USP3: variants seen among roughly 807,000 people sequenced by gnomAD.
The protein encoded by USP3 is ubiquitin specific peptidase 3.
USP3 carries 20 observed loss-of-function variants against 72.3 expected under a neutral mutation model. The ratio of observed to expected loss-of-function variants is 0.28; its 90% CI spans 0.19 to 0.40. The LOEUF (loss-of-function observed/expected upper bound fraction) is 0.40, where lower values mean the gene tolerates loss of function less well. USP3 is among the 10% of genes least tolerant of loss of function. The probability of loss-of-function intolerance (pLI) is 1.00; values close to 1 mark genes in which losing one functional copy is unlikely to be tolerated. For missense variants in USP3, 479 were observed against 633.9 expected, an observed-to-expected ratio of 0.76 and a Z score of 2.62; for synonymous variants, 222 against 225.3, an observed-to-expected ratio of 0.99 and a Z score of 0.13.
chr15:63,549,761 A>C (rs1454165218), intron 3 of USP3, among the ~76,000 whole-genome samples: 1 of 152,244 alleles, frequency 6.6e-6, no homozygotes, highest in African/African-American at 2.4e-5. Context: ...GTAACAATGT[A>C]AATCACACTG....
rs1470345539 is a variant in USP3, at chr15:63,570,900, A to G, written c.908+321A>G. Among the ~76,000 whole-genome samples the G allele has an allele frequency of 2.0e-5, 3 of 152,230 alleles. No individual in the cohort carries two copies. Among genetic ancestry groups the G allele is most frequent in the Non-Finnish European group, 2.9e-5 (2 of 68,032 alleles). ...AAATATACTGAATGATAGGCAGGAGACTTAATTTTCATATACCAAAATAAT... is the reference window on the plus strand; with the variant it reads ...AAATATACTGAATGATAGGCAGGAGGCTTAATTTTCATATACCAAAATAAT... On this transcript the variant is annotated intron_variant, in intron 9 of 14. Coordinates refer to ENST00000380324, the MANE Select transcript of USP3 (RefSeq NM_006537.4). This position sits in a 1 kb window ranked among gnomAD's most constrained non-coding sequence, Gnocchi z 4.4.
intron 1 of USP3, among the ~76,000 whole-genome samples, chr15:63,522,555 G>A (rs1430258110): frequency 6.6e-6 from 1 of 152,188 alleles, no homozygotes; most frequent in Non-Finnish European, 1.5e-5. Flanking sequence ...AGGTAATAGA[G>A]TGAAGAGGAA....
intron 1 of USP3, among the ~76,000 whole-genome samples, chr15:63,526,239 G>A (rs1461844931): frequency 3.3e-5 from 5 of 152,136 alleles, no homozygotes; most frequent in South Asian, 4.1e-4. Context: ...CACATAGCAT[G>A]TTATCTTTTT....
Position 63,504,776 on chromosome 15 carries a change from G to C in USP3, c.37G>C (p.Ala13Pro). The C allele has an allele frequency of 6.2e-7, 1 of 1,611,620 alleles. No individual in the cohort carries two copies. The highest frequency in any genetic ancestry group is 8.5e-7 in the Non-Finnish European group (1 of 1,179,054). The change falls in exon 1 of 15, where the codon GCT becomes CCT. Residue 13 changes from alanine (A) to proline (P), a missense_variant. Physicochemically the swap from Ala to Pro is conservative, Grantham distance 27. Transcript: ENST00000380324. ...ACACCTGAGCTCCAGCGTCTGCATT[G>C]CTCCGGACTCAGCCAAGTTCCCCAA... ...CPHLSSSVCI[A>P]PDSAKFPNGS... is the part of the protein sequence containing the mutation.
chr15:63,508,857 G>C lies in USP3; in HGVS notation c.91+4027G>C, dbSNP rs543490981. 1.1e-3 allele frequency among the ~76,000 whole-genome samples: 173 copies of C among 152,282 alleles called. 1 individual carries two copies. Among genetic ancestry groups the C allele is most frequent in the African/African-American group, 4.1e-3 (170 of 41,564 alleles). The stretch of plus-strand genomic sequence containing the variant: ...TCCCTGATTAATTCTTCAATGAGTT[G>C]AGAGTGCCTCTTTAAGTTTTCAGTA... On this transcript the variant is annotated intron_variant, in intron 1 of 14. Transcript: ENST00000380324.
chr15:63,584,092 G>GT (rs61574200), intron 11 of USP3, among the ~76,000 whole-genome samples: 1,577 of 85,478 alleles, frequency 0.018, 22 homozygotes, highest in South Asian at 0.024. Flanking sequence ...CAACGGTTTT[G>GT]TTTTTTTTTT....
chr15:63,580,044 G>A (rs563134183), intron 11 of USP3, among the ~76,000 whole-genome samples: 1 of 152,058 alleles, frequency 6.6e-6, no homozygotes, highest in Non-Finnish European at 1.5e-5. Context: ...ATGTGTAAAA[G>A]ATTTTAAACA....
rs749426891 is a variant in USP3, at chr15:63,588,618, T to C, written c.1216-84T>C. 1.9e-6 allele frequency: 2 copies of C among 1,078,632 alleles called. No homozygotes were observed. The highest frequency in any genetic ancestry group is 2.4e-5 in the East Asian group (1 of 42,348). The allele number at this position is 1,078,632 out of a possible 1,614,324, so 66.8% of individuals were successfully genotyped here. On this transcript the variant is annotated intron_variant, in intron 12 of 14. Coordinates refer to ENST00000380324, the MANE Select transcript of USP3 (RefSeq NM_006537.4). The surrounding 1 kb of genome is among the most constrained non-coding windows in gnomAD (Gnocchi z 4.6). Reference sequence around the variant, plus strand: ...GATTGATAGGGCAGCTAAAATGTTATTTACTGAACTGATAGTAGTATCAAA... The same window carrying C: ...GATTGATAGGGCAGCTAAAATGTTACTTACTGAACTGATAGTAGTATCAAA...
chr15:63,577,469 A>G (rs1174118854), intron 11 of USP3, among the ~76,000 whole-genome samples: 1 of 152,202 alleles, frequency 6.6e-6, no homozygotes, highest in East Asian at 1.9e-4. Context: ...TGTACAAAGA[A>G]AAGAAGGCCG....
intron 1 of USP3, among the ~76,000 whole-genome samples, chr15:63,509,858 A>G (rs2065760029): frequency 6.6e-6 from 1 of 152,152 alleles, no homozygotes; most frequent in Non-Finnish European, 1.5e-5. Flanking sequence ...GATTGAGCCT[A>G]ACATTTACTT....
chr15:63,585,800 ATTT>A (rs58350832), intron 11 of USP3, among the ~76,000 whole-genome samples: 5 of 135,704 alleles, frequency 3.7e-5, no homozygotes, highest in Admixed American at 2.9e-4. Context: ...TGTGTCTAGA[ATTT>A]TTTTTTTTTT....
intron 11 of USP3, among the ~76,000 whole-genome samples, chr15:63,581,424 C>G (rs1349361286): frequency 6.7e-6 from 1 of 148,950 alleles, no homozygotes; most frequent in Non-Finnish European, 1.5e-5. Flanking sequence ...TGCTCTGTTG[C>G]CCAGGCTAGA....
At chr15:63,579,640 T>C (rs1299800491) in intron 11 of USP3, among the ~76,000 whole-genome samples, 1 of 152,188 alleles carries the variant, frequency 6.6e-6, no homozygotes, top group Non-Finnish European at 1.5e-5. Flanking sequence ...GATCTTGTCA[T>C]AGGGGAGAGC....
chr15:63,520,860 GC>G (rs1260844620), intron 1 of USP3, among the ~76,000 whole-genome samples: 2 of 151,880 alleles, frequency 1.3e-5, no homozygotes, highest in Non-Finnish European at 2.9e-5. Flanking sequence ...ACCATGCCTG[GC>G]CCCATTTTAA....
chr15:63,515,490 T>G (rs1399202789), intron 1 of USP3: 1 of 152,240 alleles, frequency 6.6e-6, no homozygotes, highest in Non-Finnish European at 1.5e-5. Flanking sequence ...GCCCCTCTCT[T>G]CTTTGGCTCT....
chr15:63,528,613 A>G lies in USP3; in HGVS notation c.92-4034A>G, dbSNP rs1030352363. ...GTGTGTATATGAGTATTTCAGCTATATTATGTTTCATTTAGGGCTTTACAG... is the reference window on the plus strand; with the variant it reads ...GTGTGTATATGAGTATTTCAGCTATGTTATGTTTCATTTAGGGCTTTACAG... On this transcript the variant is annotated intron_variant, in intron 1 of 14. Transcript: ENST00000380324. The surrounding 1 kb of genome is among the most constrained non-coding windows in gnomAD (Gnocchi z 4.3). Among the ~76,000 whole-genome samples the G allele has an allele frequency of 1.3e-5, 2 of 152,124 alleles. No individual in the cohort carries two copies. The highest frequency in any genetic ancestry group is 4.8e-5 in the African/African-American group (2 of 41,428).
At chr15:63,507,381 T>A (rs2065727052) in intron 1 of USP3, among the ~76,000 whole-genome samples, 1 of 152,216 alleles carries the variant, frequency 6.6e-6, no homozygotes, top group Non-Finnish European at 1.5e-5. Context: ...ATCAGTTTCC[T>A]TATATAATCT....
chr15:63,546,434 C>A (rs549503054), intron 3 of USP3, among the ~76,000 whole-genome samples: 1 of 152,228 alleles, frequency 6.6e-6, no homozygotes, highest in Admixed American at 6.5e-5. Flanking sequence ...TTTTGTACCA[C>A]TTATTCTGGC....
At chr15:63,556,133 T>C (rs1289109477) in intron 4 of USP3, among the ~76,000 whole-genome samples, 1 of 152,246 alleles carries the variant, frequency 6.6e-6, no homozygotes, top group Non-Finnish European at 1.5e-5. Context: ...GAATGTCCTT[T>C]GGAGCGTAGC....
Sources: allele counts gnomAD v4.1 joint callset (sites outside exome capture counted in the v4.1 genomes callset), GRCh38; gene constraint gnomAD v4.1.1; non-coding constraint Gnocchi (gnomAD v3.1); transcripts MANE v1.5; gene names NCBI Gene and HGNC (gene_info 2026-07-23, HGNC 2026-07-21).